Variants in ZMPSTE24 observed in about 807,000 individuals in gnomAD.
ZMPSTE24 encodes the protein zinc metallopeptidase STE24.
In ZMPSTE24, 48 loss-of-function variants were observed where a neutral mutation model predicts 56.7. The observed-to-expected ratio is 0.85, with a 90% CI of 0.67 to 1.08. The LOEUF is 1.08. Among genes scored for constraint, ZMPSTE24 ranks in the 50% least tolerant of loss-of-function variants. ZMPSTE24 has a pLI of 0.00. For missense variants in ZMPSTE24, 503 were observed against 548.7 expected, an observed-to-expected ratio of 0.92 and a Z score of 0.83; for synonymous variants, 172 against 195.2, an observed-to-expected ratio of 0.88 and a Z score of 0.99.
intron 1 of ZMPSTE24, 51 bp downstream of exon 1, chr1:40,258,445 G>A: frequency 3.7e-6 from 6 of 1,612,744 alleles, no homozygotes; most frequent in Non-Finnish European, 5.1e-6. Context: ...CAGCCCTGGA[G>A]TAGCCTTGGC....
intron 7 of ZMPSTE24, among the ~76,000 whole-genome samples, 189 bp from the exon 8 acceptor site, chr1:40,285,736 A>G (rs191280413): frequency 5.3e-5 from 8 of 150,770 alleles, no homozygotes; most frequent in South Asian, 4.1e-4. Flanking sequence ...CATTCTATCT[A>G]TCTTCAGTGC....
At position 40,281,547 on chromosome 1, in the gene ZMPSTE24, G is replaced by C. The variant is rs1420735902; in HGVS notation, c.954+20G>C. The stretch of plus-strand genomic sequence containing the variant: ...GTTAAAGTGAGTTATTTTTTCCTAA[G>C]AGATTCTACCTTAGTTTTTATACAC... On this transcript the variant is annotated intron_variant, in intron 7 of 9. Coordinates refer to ENST00000372759, the MANE Select transcript of ZMPSTE24 (RefSeq NM_005857.5). The C allele has an allele frequency of 6.2e-7, 1 of 1,610,232 alleles. No homozygotes were observed. Among genetic ancestry groups the C allele is most frequent in the Non-Finnish European group, 8.5e-7 (1 of 1,177,616 alleles).
At chr1:40,272,756 A>G (rs1334693014) in intron 6 of ZMPSTE24, among the ~76,000 whole-genome samples, 1 of 152,218 alleles carries the variant, frequency 6.6e-6, no homozygotes, top group East Asian at 1.9e-4. Flanking sequence ...TTCAGAATTT[A>G]TAAAGTCCAT....
At chr1:40,283,182 A>C (rs1397715805) in intron 7 of ZMPSTE24, among the ~76,000 whole-genome samples, 2 of 152,210 alleles carry the variant, frequency 1.3e-5, no homozygotes, top group Non-Finnish European at 2.9e-5. Flanking sequence ...CAGTGATAAC[A>C]CTAGAGAATC....
intron 5 of ZMPSTE24, 63 bp from the exon 6 acceptor site, chr1:40,271,831 A>G: frequency 9.6e-6 from 15 of 1,560,884 alleles, no homozygotes; most frequent in East Asian, 4.5e-5. Flanking sequence ...TTTAATCTGT[A>G]TAATAAAGAA....
At chr1:40,260,588 A>G (rs1039056362) in intron 1 of ZMPSTE24, among the ~76,000 whole-genome samples, 2 of 152,234 alleles carry the variant, frequency 1.3e-5, no homozygotes, top group African/African-American at 4.8e-5. Flanking sequence ...TTTGGTTTAC[A>G]TATACAAACT....
intron 6 of ZMPSTE24, among the ~76,000 whole-genome samples, chr1:40,278,557 CAAAAAAAAAAAAAAAAA>C (rs397979953): frequency 1.0e-4 from 2 of 19,562 alleles, no homozygotes; most frequent in East Asian, 2.2e-3. Flanking sequence ...GACTCCGTCT[CAAAAAAAAAAAAAAAAA>C]AAAAAAAAAA....
At chr1:40,281,829 A>G (rs528858128) in intron 7 of ZMPSTE24, among the ~76,000 whole-genome samples, 138 of 151,524 alleles carry the variant, frequency 9.1e-4, no homozygotes, top group African/African-American at 2.9e-3. Flanking sequence ...ATGTGTGTGT[A>G]TATATATATA....
rs1467839262 is a variant in ZMPSTE24 at position 40,258,408 on chromosome 1, G to T, written c.123+14G>T. 1 of 1,613,806 alleles carries T rather than the reference G, an allele frequency of 6.2e-7. No individual in the cohort carries two copies. Among genetic ancestry groups the T allele is most frequent in the Non-Finnish European group, 8.5e-7 (1 of 1,180,012 alleles). On this transcript the variant is annotated intron_variant, in intron 1 of 9. Coordinates refer to ENST00000372759, the MANE Select transcript of ZMPSTE24 (RefSeq NM_005857.5). ...GCACAGCGGCAGGTGAGCCTAGACA[G>T]GGTCCAACCTGACCCCCATACCCGG...
intron 5 of ZMPSTE24, among the ~76,000 whole-genome samples, chr1:40,271,225 C>T (rs12117796): frequency 0.085 from 13,003 of 152,114 alleles, 693 homozygotes; most frequent in East Asian, 0.22. Context: ...ACACCATGCC[C>T]AAGCTGAGGT....
chr1:40,286,513 C>T lies in ZMPSTE24; in HGVS notation c.1059+484C>T, dbSNP rs536982466. Among the ~76,000 whole-genome samples the T allele has an allele frequency of 9.2e-5, 14 of 152,136 alleles. No homozygotes were observed. The South Asian group carries it at 2.5e-3, about 27-fold the overall frequency. ...TCGGCTCACTGCAACCTCTGCCTCTCAGGTTCAAGCGATTCTCCTATCTCA... is the reference window on the plus strand; with the variant it reads ...TCGGCTCACTGCAACCTCTGCCTCTTAGGTTCAAGCGATTCTCCTATCTCA... On this transcript the variant is annotated intron_variant, in intron 8 of 9. Transcript: ENST00000372759.
chr1:40,258,400 C>T lies in ZMPSTE24; in HGVS notation c.123+6C>T, dbSNP rs1480749609. On this transcript the variant is annotated splice_donor_region_variant and intron_variant, in intron 1 of 9. Transcript: ENST00000372759. ...CCTTCCTAGCACAGCGGCAGGTGAG[C>T]CTAGACAGGGTCCAACCTGACCCCC... is the stretch of plus-strand genomic sequence containing the variant. 6.2e-7 allele frequency: 1 copy of T among 1,613,874 alleles called. No homozygotes were observed. The highest frequency in any genetic ancestry group is 1.3e-5 in the African/African-American group (1 of 74,930).
At chr1:40,281,574 G>A in intron 7 of ZMPSTE24, 47 bp downstream of exon 7, 1 of 1,575,234 alleles carries the variant, frequency 6.3e-7, no homozygotes, top group Non-Finnish European at 8.7e-7. Flanking sequence ...TTTATACACA[G>A]TTCCTGTGAC....
chr1:40,281,849 A>T (rs187795162), intron 7 of ZMPSTE24, among the ~76,000 whole-genome samples: 9 of 152,178 alleles, frequency 5.9e-5, no homozygotes, highest in Non-Finnish European at 1.0e-4. Context: ...ATAATTTCTT[A>T]TGTGTTTATG....
intron 1 of ZMPSTE24, 50 bp from the exon 2 acceptor site, chr1:40,260,789 A>G (rs1369858695): frequency 6.3e-7 from 1 of 1,576,938 alleles, no homozygotes; most frequent in South Asian, 1.1e-5. Context: ...ATAAATGACT[A>G]TTGTAATAAA....
rs1188795164 is a variant in ZMPSTE24 at position 40,281,639 on chromosome 1, CA to C, written c.954+113del. The C allele has an allele frequency of 1.2e-5, 13 of 1,128,402 alleles. No homozygotes were observed. The African/African-American group carries it at 1.9e-4, about 16-fold the overall frequency. 69.9% of individuals were successfully genotyped at this position (1,128,402 alleles called of 1,614,324 possible). On this transcript the variant is annotated intron_variant, in intron 7 of 9. Coordinates refer to ENST00000372759, the MANE Select transcript of ZMPSTE24 (RefSeq NM_005857.5). ...TGAGTGTTGAATTCAGGGAGACTAT[CA>C]GATGAAAACCATGGCTCCTTTATAG... is the stretch of plus-strand genomic sequence containing the variant.
Position 40,271,887 on chromosome 1 carries a change from T to C in ZMPSTE24, c.628-7T>C, listed in dbSNP as rs1476926912. The C allele has an allele frequency of 6.2e-7, 1 of 1,613,358 alleles. No homozygotes were observed. Among genetic ancestry groups the C allele is most frequent in the Admixed American group, 1.7e-5 (1 of 60,004 alleles). On this transcript the variant is annotated splice_region_variant and splice_polypyrimidine_tract_variant and intron_variant, in intron 5 of 9. Coordinates refer to ENST00000372759, the MANE Select transcript of ZMPSTE24 (RefSeq NM_005857.5). The stretch of plus-strand genomic sequence containing the variant: ...GTTCATATGTTATTCTGACATTTAC[T>C]TTTCAGGTTCTTGTCACAATCTATG...
intron 6 of ZMPSTE24, among the ~76,000 whole-genome samples, chr1:40,278,200 T>A (rs895638975): frequency 6.6e-6 from 1 of 152,090 alleles, no homozygotes; most frequent in Admixed American, 6.6e-5. Context: ...GATAGAAAAT[T>A]CATGTTTTTT....
chr1:40,290,278 G>A (rs557221076), intron 8 of ZMPSTE24, among the ~76,000 whole-genome samples: 143 of 150,684 alleles, frequency 9.5e-4, no homozygotes, highest in Non-Finnish European at 1.8e-3. Flanking sequence ...CCAGCTACTC[G>A]GGAGGCTGAG....
Sources: allele counts gnomAD v4.1 joint callset (sites outside exome capture counted in the v4.1 genomes callset), GRCh38; gene constraint gnomAD v4.1.1; transcripts MANE v1.5; gene names NCBI Gene and HGNC (gene_info 2026-07-23, HGNC 2026-07-21).